The following PTER variants were observed in gnomAD, a reference collection of about 807,000 sequenced individuals.
PTER encodes the protein N-acetyltaurine hydrolase.
Under a neutral mutation model 29.6 loss-of-function variants are expected in PTER, and 38 were observed. The ratio of observed to expected loss-of-function variants is 1.28; its 90% CI spans 0.99 to 1.68. PTER has a LOEUF of 1.68. Ranked by LOEUF, PTER falls within the 40% of genes most tolerant of loss-of-function variation. The pLI is 0.00. For missense variants in PTER, 482 were observed against 427.8 expected (o/e 1.13, Z -1.12); for synonymous variants, 172 against 154.5 (o/e 1.11, Z -0.84).
intron 1 of PTER, among the ~76,000 whole-genome samples, chr10:16,438,495 G>A (rs1402935412): frequency 1.3e-5 from 2 of 149,648 alleles, no homozygotes; most frequent in Admixed American, 6.6e-5. Flanking sequence ...TTTTGGTAGA[G>A]ACGGGGTTTT....
At chr10:16,502,015 G>A (rs989145753) in intron 3 of PTER, among the ~76,000 whole-genome samples, 1 of 152,226 alleles carries the variant, frequency 6.6e-6, no homozygotes, top group Admixed American at 6.5e-5. Flanking sequence ...TGGAGCTAAG[G>A]CTAAAGAGTT....
At position 16,505,242 on chromosome 10, in the gene PTER, T is replaced by C; in HGVS notation, c.839+82T>C. ...ATATCTAGGGAAGTATTAGCAAAGA[T>C]TCAGAAAACAGTAAGCAGGCCGAAC... On this transcript the variant is annotated intron_variant, in intron 4 of 4. Coordinates refer to ENST00000535784, the MANE Select transcript of PTER (RefSeq NM_001261836.2). The C allele has an allele frequency of 7.9e-6, 12 of 1,527,342 alleles. No individual in the cohort carries two copies. In the South Asian group the frequency reaches 1.4e-4, roughly 17 times the overall value. 94.6% of individuals were successfully genotyped at this position (1,527,342 alleles called of 1,614,324 possible).
chr10:16,470,950 G>A (rs979606733), intron 1 of PTER, among the ~76,000 whole-genome samples: 7 of 151,486 alleles, frequency 4.6e-5, no homozygotes, highest in East Asian at 1.9e-4. Flanking sequence ...CAACACCCCC[G>A]CCTCCATTTC....
At chr10:16,474,309 T>C (rs1222607841) in intron 1 of PTER, among the ~76,000 whole-genome samples, 2 of 152,142 alleles carry the variant, frequency 1.3e-5, no homozygotes, top group African/African-American at 2.4e-5. Flanking sequence ...ATCACTGGGG[T>C]ACAAAAGTCA....
chr10:16,496,353 C>T (rs1017805974), intron 3 of PTER, among the ~76,000 whole-genome samples: 2 of 152,162 alleles, frequency 1.3e-5, no homozygotes, highest in African/African-American at 2.4e-5. Flanking sequence ...CTGGTTCCCT[C>T]GCCTCCCTCC....
At chr10:16,471,968 G>C (rs1181284975) in intron 1 of PTER, among the ~76,000 whole-genome samples, 1 of 152,196 alleles carries the variant, frequency 6.6e-6, no homozygotes, top group Non-Finnish European at 1.5e-5. Flanking sequence ...ACTTTTGCCA[G>C]CGTGTGGCTA....
At chr10:16,443,881 A>C (rs1436278679) in intron 1 of PTER, among the ~76,000 whole-genome samples, 1 of 152,206 alleles carries the variant, frequency 6.6e-6, no homozygotes, top group East Asian at 1.9e-4. Context: ...CTCTTTCTAT[A>C]AAGTGGTATC....
Position 16,511,360 on chromosome 10 carries a change from C to A in PTER, c.*104C>A. Reference sequence around the variant, plus strand: ...TTAATCAGTTACCTAGGACTAATGACAGATCATTTCCTTCTGATGAGAACT... The same window carrying A: ...TTAATCAGTTACCTAGGACTAATGAAAGATCATTTCCTTCTGATGAGAACT... On this transcript the variant is annotated 3_prime_UTR_variant, in exon 5 of 5. Transcript: ENST00000535784. 2 of 1,035,382 alleles carry A rather than the reference C, an allele frequency of 1.9e-6. No homozygotes were observed. The highest frequency in any genetic ancestry group is 2.9e-6 in the Non-Finnish European group (2 of 684,370). 64.1% of individuals were successfully genotyped at this position (1,035,382 alleles called of 1,614,324 possible).
intron 3 of PTER, among the ~76,000 whole-genome samples, chr10:16,495,209 T>A (rs1444899046): frequency 6.6e-6 from 1 of 150,696 alleles, no homozygotes; most frequent in Non-Finnish European, 1.5e-5. Context: ...CTTGCTCTCT[T>A]ACCCAGGCTG....
At chr10:16,448,782 TA>T (rs1834103422) in intron 1 of PTER, among the ~76,000 whole-genome samples, 1 of 152,234 alleles carries the variant, frequency 6.6e-6, no homozygotes, top group South Asian at 2.1e-4. Context: ...AGAGATGATA[TA>T]CCCTTAAGGT....
At chr10:16,514,384 G>C (rs924377928), downstream of PTER, 13 of 651,134 alleles carry the variant, frequency 2.0e-5, no homozygotes, top group African/African-American at 3.6e-5. Flanking sequence ...TGATACAGAT[G>C]TGAGTCAGGT....
At chr10:16,465,904 C>T (rs1230768723) in intron 1 of PTER, among the ~76,000 whole-genome samples, 4 of 152,046 alleles carry the variant, frequency 2.6e-5, no homozygotes, top group Non-Finnish European at 5.9e-5. Flanking sequence ...CTCATAAAAC[C>T]ATAAGATCTC....
chr10:16,501,937 A>G (rs924856961), intron 3 of PTER, among the ~76,000 whole-genome samples: 2 of 152,260 alleles, frequency 1.3e-5, no homozygotes, highest in Non-Finnish European at 2.9e-5. Context: ...TGTCAGACAC[A>G]TAGTAAGTTC....
At chr10:16,508,529 AG>A (rs1836684085) in intron 4 of PTER, among the ~76,000 whole-genome samples, 1 of 152,122 alleles carries the variant, frequency 6.6e-6, no homozygotes, top group Non-Finnish European at 1.5e-5. Context: ...AGATCCGTAA[AG>A]GGGCATCTGT....
chr10:16,484,831 T>C lies in PTER; in HGVS notation c.432+15T>C. 1 of 1,572,514 alleles carries C rather than the reference T, an allele frequency of 6.4e-7. No homozygotes were observed. Among genetic ancestry groups the C allele is most frequent in the East Asian group, 2.2e-5 (1 of 44,586 alleles). ...CAGTGGAGCAGGTAAAAAGCCTAAGTTCTTTGACAGTATTTGTTCATAAAT... is the reference window on the plus strand; with the variant it reads ...CAGTGGAGCAGGTAAAAAGCCTAAGCTCTTTGACAGTATTTGTTCATAAAT... On this transcript the variant is annotated intron_variant, in intron 2 of 4. Transcript: ENST00000535784.
chr10:16,512,214 C>T lies in PTER; in HGVS notation c.*958C>T, dbSNP rs187343906. On this transcript the variant is annotated 3_prime_UTR_variant, in exon 5 of 5. Coordinates refer to ENST00000535784, the MANE Select transcript of PTER (RefSeq NM_001261836.2). Reference sequence around the variant, plus strand: ...TGACAGCCCGATACTTGAGCCTCCTCTTTAAAAGGTATCCAGCCCTGATAT... The same window carrying T: ...TGACAGCCCGATACTTGAGCCTCCTTTTTAAAAGGTATCCAGCCCTGATAT... The T allele has an allele frequency of 1.3e-4, 20 of 152,256 alleles. No homozygotes were observed. In the East Asian group the frequency reaches 3.1e-3, roughly 23 times the overall value. 9.4% of individuals were successfully genotyped at this position (152,256 alleles called of 1,614,324 possible). A position where few individuals can be genotyped will look rare whatever the true frequency, so the allele number is the denominator to read the frequency against.
chr10:16,500,691 CT>C (rs1836302786), intron 3 of PTER, among the ~76,000 whole-genome samples: 1 of 152,156 alleles, frequency 6.6e-6, no homozygotes, highest in African/African-American at 2.4e-5. Context: ...TTCATTGCAT[CT>C]GGAGAATTGG....
chr10:16,482,991 A>T (rs1835537632), intron 1 of PTER, among the ~76,000 whole-genome samples: 1 of 152,162 alleles, frequency 6.6e-6, no homozygotes, highest in Admixed American at 6.6e-5. Flanking sequence ...CATGTTGGCC[A>T]GGCTGGTCTC....
chr10:16,499,459 A>T (rs1456588762), intron 3 of PTER, among the ~76,000 whole-genome samples: 1 of 150,998 alleles, frequency 6.6e-6, no homozygotes, highest in Admixed American at 6.6e-5. Flanking sequence ...TATTTTGGAG[A>T]CAGGGTCTCG....
Sources: allele counts gnomAD v4.1 joint callset (sites outside exome capture counted in the v4.1 genomes callset), GRCh38; gene constraint gnomAD v4.1.1; transcripts MANE v1.5; gene names NCBI Gene and HGNC (gene_info 2026-07-23, HGNC 2026-07-21).